The following WDR27 variants were observed in gnomAD, a reference collection of about 807,000 sequenced individuals.
The protein encoded by WDR27 is WD repeat-containing protein 27.
Under a neutral mutation model 114.4 loss-of-function variants are expected in WDR27, and 100 were observed. The ratio of observed to expected loss-of-function variants is 0.87; its 90% CI spans 0.74 to 1.03. The LOEUF is 1.03. Among genes scored for constraint, WDR27 ranks in the 50% least tolerant of loss-of-function variants. The probability of loss-of-function intolerance (pLI) is 0.00; values close to 1 mark genes in which losing one functional copy is unlikely to be tolerated. For missense variants in WDR27, 1,129 were observed against 1,092.9 expected, an observed-to-expected ratio of 1.03 and a Z score of -0.47; for synonymous variants, 449 against 423.1, an observed-to-expected ratio of 1.06 and a Z score of -0.75.
chr6:169,666,677 G>A, intron 6 of WDR27: 1 of 986,402 alleles, frequency 1.0e-6, no homozygotes, highest in Non-Finnish European at 1.2e-6. Flanking sequence ...GCCATCTGAG[G>A]GAAGAACGCA....
At chr6:169,457,715 G>A (rs1562439427) in intron 25 of WDR27, 81 bp from the exon 26 acceptor site, 5 of 1,110,098 alleles carry the variant, frequency 4.5e-6, no homozygotes, top group African/African-American at 1.6e-5. Flanking sequence ...AGCCCAAAGT[G>A]TGTTATTTTC....
intron 25 of WDR27, among the ~76,000 whole-genome samples, chr6:169,478,706 T>C (rs948839623): frequency 7.3e-5 from 11 of 151,606 alleles, no homozygotes; most frequent in African/African-American, 2.7e-4. Context: ...ACAACAACAA[T>C]AAAACAGACA....
intron 25 of WDR27, among the ~76,000 whole-genome samples, chr6:169,475,480 C>T (rs917344496): frequency 6.6e-6 from 1 of 152,224 alleles, no homozygotes; most frequent in Non-Finnish European, 1.5e-5. Context: ...GCCTCAGCCT[C>T]CCAACGTGCC....
At chr6:169,485,927 A>C (rs1213604072) in intron 25 of WDR27, among the ~76,000 whole-genome samples, 1 of 152,166 alleles carries the variant, frequency 6.6e-6, no homozygotes, top group Admixed American at 6.6e-5. Context: ...CAAATACTGC[A>C]CGTTTTCACA....
intron 25 of WDR27, among the ~76,000 whole-genome samples, chr6:169,479,559 C>T (rs997042544): frequency 6.6e-6 from 1 of 152,074 alleles, no homozygotes; most frequent in Non-Finnish European, 1.5e-5. Context: ...GACAGTCAAA[C>T]AAAATGTGTT....
chr6:169,536,227 T>C (rs1392125463), intron 25 of WDR27, among the ~76,000 whole-genome samples: 2 of 152,170 alleles, frequency 1.3e-5, no homozygotes. Flanking sequence ...GGTAGAGCTT[T>C]CAAAAATACA....
downstream of WDR27, among the ~76,000 whole-genome samples, chr6:169,452,228 AC>A (rs771446284): frequency 2.0e-5 from 3 of 152,142 alleles, no homozygotes; most frequent in Non-Finnish European, 4.4e-5. Flanking sequence ...GCTCGGAGTC[AC>A]CCACGCCTTA....
chr6:169,696,893 G>A (rs9371168), intron 1 of WDR27, among the ~76,000 whole-genome samples: 13,442 of 152,184 alleles, frequency 0.088, 1,789 homozygotes, highest in East Asian at 0.61. Context: ...CAGCCTGCAC[G>A]ACAGAGCGAG....
At chr6:169,639,492 G>A (rs1818621494) in intron 17 of WDR27, among the ~76,000 whole-genome samples, 1 of 151,830 alleles carries the variant, frequency 6.6e-6, no homozygotes, top group Admixed American at 6.6e-5. Context: ...AAAAATCCCT[G>A]AGCACACACA....
chr6:169,588,318 T>C (rs1383726613), intron 23 of WDR27, among the ~76,000 whole-genome samples: 1 of 152,254 alleles, frequency 6.6e-6, no homozygotes, highest in Non-Finnish European at 1.5e-5. Flanking sequence ...TACATTCTAA[T>C]AAATTTTAAC....
At chr6:169,649,372 A>G (rs1821653909) in intron 14 of WDR27, 97 bp from the exon 15 acceptor site, 3 of 1,050,558 alleles carry the variant, frequency 2.9e-6, no homozygotes, top group Non-Finnish European at 4.3e-6. Context: ...ATATACATAG[A>G]TATAGACGTC....
At chr6:169,553,802 T>C (rs1211357911) in intron 25 of WDR27, among the ~76,000 whole-genome samples, 1 of 152,176 alleles carries the variant, frequency 6.6e-6, no homozygotes, top group African/African-American at 2.4e-5. Context: ...CGTTCACATG[T>C]TCATAATATA....
At chr6:169,696,645 TG>T (rs1786102906) in intron 1 of WDR27, among the ~76,000 whole-genome samples, 1 of 152,222 alleles carries the variant, frequency 6.6e-6, no homozygotes, top group African/African-American at 2.4e-5. Flanking sequence ...CCGGGCACAG[TG>T]GCTCACGCCT....
At chr6:169,548,386 T>G (rs1350944001) in intron 25 of WDR27, among the ~76,000 whole-genome samples, 1 of 152,192 alleles carries the variant, frequency 6.6e-6, no homozygotes, top group Non-Finnish European at 1.5e-5. Context: ...TTTATTGTAT[T>G]TTTTAAACAG....
intron 14 of WDR27, 50 bp from the exon 15 acceptor site, chr6:169,649,325 T>G (rs4145868): frequency 0.41 from 584,542 of 1,442,348 alleles, 136,975 homozygotes; most frequent in East Asian, 0.98. Flanking sequence ...GAGGTCTAAG[T>G]TTCTTAAGAG....
intron 25 of WDR27, among the ~76,000 whole-genome samples, chr6:169,539,741 C>A (rs1796616684): frequency 1.3e-5 from 2 of 152,158 alleles, no homozygotes; most frequent in South Asian, 4.1e-4. Context: ...ATTTAAAACC[C>A]CCAGCTTGTG....
chr6:169,651,183 C>CGGGGGG (rs763059214), intron 14 of WDR27, among the ~76,000 whole-genome samples: 2 of 7,728 alleles, frequency 2.6e-4, no homozygotes, highest in East Asian at 5.7e-3. Flanking sequence ...CAGTGCGGGG[C>CGGGGGG]GGGGGGGGGG....
At chr6:169,553,421 A>G (rs1798462200) in intron 25 of WDR27, among the ~76,000 whole-genome samples, 1 of 152,208 alleles carries the variant, frequency 6.6e-6, no homozygotes, top group East Asian at 1.9e-4. Context: ...AATCTTTATG[A>G]CACATCTTAG....
intron 21 of WDR27, among the ~76,000 whole-genome samples, chr6:169,621,539 CGCATATACATACACACACGCATTCAT>C (rs1562720790): frequency 6.6e-6 from 1 of 150,582 alleles, no homozygotes; most frequent in African/African-American, 2.5e-5. Context: ...CACACACGCA[CGCATATACATACACACACGCATTCAT>C]GCATATACAT....
Sources: gnomAD v4.1 joint callset for allele counts (sites outside exome capture counted in the v4.1 genomes callset) on GRCh38, gnomAD v4.1.1 for gene constraint, MANE v1.5 for transcripts, NCBI Gene and HGNC (gene_info 2026-07-23, HGNC 2026-07-21) for gene names.